Variants in SLC35F3 observed in about 807,000 individuals in gnomAD.
The protein encoded by SLC35F3 is solute carrier family 35 member F3.
In SLC35F3, 25 loss-of-function variants were observed where a neutral mutation model predicts 49.9. The observed-to-expected ratio is 0.50, with a 90% CI of 0.37 to 0.70. The LOEUF is 0.70. Ranked by LOEUF, SLC35F3 falls within the 30% of genes least tolerant of loss-of-function variation. The pLI, the probability that SLC35F3 is intolerant of heterozygous loss-of-function variation, is 0.00. For missense variants in SLC35F3, 525 were observed against 639.8 expected (o/e 0.82, Z 1.94); for synonymous variants, 275 against 265.4 (o/e 1.04, Z -0.35).
At chr1:234,245,110 C>T (rs1667611252) in intron 3 of SLC35F3, among the ~76,000 whole-genome samples, 1 of 152,210 alleles carries the variant, frequency 6.6e-6, no homozygotes, top group Admixed American at 6.5e-5. Context: ...TCACTTCACT[C>T]CTACCCTCTA....
chr1:234,089,279 G>A (rs1328915944), intron 2 of SLC35F3, among the ~76,000 whole-genome samples: 2 of 152,226 alleles, frequency 1.3e-5, no homozygotes, highest in African/African-American at 4.8e-5. Context: ...TCACCTGAAA[G>A]TCAGTCAGCC....
intron 2 of SLC35F3, among the ~76,000 whole-genome samples, chr1:233,962,509 G>A (rs1162885868): frequency 6.6e-6 from 1 of 152,162 alleles, no homozygotes; most frequent in African/African-American, 2.4e-5. Context: ...AAGTCCAATG[G>A]AATCTTGCTC....
chr1:234,293,307 C>T (rs1434072169), intron 3 of SLC35F3, among the ~76,000 whole-genome samples: 2 of 152,210 alleles, frequency 1.3e-5, no homozygotes, highest in Non-Finnish European at 2.9e-5. Flanking sequence ...CTGAGGATGG[C>T]AGCTTCCGGG....
At chr1:233,950,707 A>G (rs1662592534) in intron 2 of SLC35F3, among the ~76,000 whole-genome samples, 2 of 152,144 alleles carry the variant, frequency 1.3e-5, no homozygotes, top group South Asian at 4.1e-4. Flanking sequence ...AAAATCTAAA[A>G]GAACATCTCC....
At chr1:234,061,393 C>G (rs768358551) in intron 2 of SLC35F3, among the ~76,000 whole-genome samples, 1 of 152,068 alleles carries the variant, frequency 6.6e-6, no homozygotes, top group Non-Finnish European at 1.5e-5. Flanking sequence ...AAAACTTTCT[C>G]TGTCTTAAGA....
rs146162214 is a variant in SLC35F3, at chr1:233,915,626, G to A, written c.283+9868G>A. On this transcript the variant is annotated intron_variant, in intron 2 of 7. Transcript: ENST00000366618. ...TGGCAGGTGTATTAGTCTGTTTCAC[G>A]CTGCTAATAAAGACATATCTGAGAT... Among the ~76,000 whole-genome samples, 1,508 of 152,168 alleles carry A rather than the reference G, an allele frequency of 9.9e-3. 14 individuals carry two copies. Among genetic ancestry groups the A allele is most frequent in the Non-Finnish European group, 0.015 (1,006 of 68,004 alleles).
At chr1:234,246,094 T>C (rs1667627001) in intron 3 of SLC35F3, among the ~76,000 whole-genome samples, 1 of 152,152 alleles carries the variant, frequency 6.6e-6, no homozygotes, top group African/African-American at 2.4e-5. Flanking sequence ...TTCCACAGCA[T>C]CTGAAGCAAA....
chr1:234,070,860 T>G lies in SLC35F3; in HGVS notation c.284-160557T>G, dbSNP rs376558402. ...TGGCCTCCTTAAAATAAATAATTAA[T>G]GCTCCTCTCAACCTTCTAGATTTGT... is the stretch of plus-strand genomic sequence containing the variant. On this transcript the variant is annotated intron_variant, in intron 2 of 7. Transcript: ENST00000366618. 3.8e-4 allele frequency among the ~76,000 whole-genome samples: 58 copies of G among 152,352 alleles called. 1 individual carries two copies. In the South Asian group the frequency reaches 0.012, roughly 32 times the overall value.
At chr1:234,016,731 T>C (rs1043253348) in intron 2 of SLC35F3, among the ~76,000 whole-genome samples, 2 of 152,230 alleles carry the variant, frequency 1.3e-5, no homozygotes, top group Non-Finnish European at 2.9e-5. Flanking sequence ...TGTAATCCCA[T>C]GTGCTTGATG....
At chr1:234,097,930 G>A (rs1374558644) in intron 2 of SLC35F3, among the ~76,000 whole-genome samples, 2 of 152,228 alleles carry the variant, frequency 1.3e-5, no homozygotes, top group African/African-American at 4.8e-5. Context: ...GGTAGTGATG[G>A]TGTTATAGGG....
At chr1:234,272,850 T>G (rs1156410465) in intron 3 of SLC35F3, among the ~76,000 whole-genome samples, 1 of 151,620 alleles carries the variant, frequency 6.6e-6, no homozygotes, top group African/African-American at 2.4e-5. Flanking sequence ...GGCTGCTGCT[T>G]CTCCCAGCCA....
chr1:233,951,039 T>A (rs113328168), intron 2 of SLC35F3, among the ~76,000 whole-genome samples: 9 of 151,696 alleles, frequency 5.9e-5, no homozygotes, highest in Non-Finnish European at 1.0e-4. Context: ...GAGAGTGGGG[T>A]CCAATTTATT....
At chr1:234,282,116 C>T (rs996012936) in intron 3 of SLC35F3, among the ~76,000 whole-genome samples, 2 of 152,344 alleles carry the variant, frequency 1.3e-5, no homozygotes, top group South Asian at 4.1e-4. Context: ...TGCCCAGATG[C>T]ACACAGTGCC....
chr1:233,984,923 T>G (rs1663242689), intron 2 of SLC35F3, among the ~76,000 whole-genome samples: 1 of 152,228 alleles, frequency 6.6e-6, no homozygotes, highest in Non-Finnish European at 1.5e-5. Flanking sequence ...TTCTTGTTCA[T>G]CAAGTTGCTT....
intron 2 of SLC35F3, among the ~76,000 whole-genome samples, chr1:233,907,198 A>G (rs1311426992): frequency 6.6e-6 from 1 of 152,246 alleles, no homozygotes; most frequent in East Asian, 1.9e-4. Context: ...CTTAATAACA[A>G]AAGACAGTGG....
At chr1:234,267,704 T>C (rs1214058897) in intron 3 of SLC35F3, among the ~76,000 whole-genome samples, 24 of 125,148 alleles carry the variant, frequency 1.9e-4, no homozygotes, top group East Asian at 4.7e-4. Context: ...CCAGACGGGG[T>C]GGCTGCCGGA....
intron 2 of SLC35F3, among the ~76,000 whole-genome samples, chr1:233,936,873 G>T (rs1662342532): frequency 1.3e-5 from 2 of 152,182 alleles, no homozygotes; most frequent in South Asian, 2.1e-4. Flanking sequence ...GAAATGTTTT[G>T]TAGAGACGGG....
chr1:234,078,284 G>A (rs922053654), intron 2 of SLC35F3, among the ~76,000 whole-genome samples: 7 of 151,704 alleles, frequency 4.6e-5, no homozygotes, highest in Non-Finnish European at 5.9e-5. Context: ...TCCTCCTTCA[G>A]CACCCACTGT....
intron 3 of SLC35F3, among the ~76,000 whole-genome samples, chr1:234,304,958 T>A (rs960287634): frequency 3.3e-5 from 5 of 151,762 alleles, no homozygotes; most frequent in Admixed American, 6.6e-5. Flanking sequence ...AAAACTGAAA[T>A]AGAAAAAAAC....
Sources: gnomAD v4.1 joint callset for allele counts (sites outside exome capture counted in the v4.1 genomes callset) on GRCh38, gnomAD v4.1.1 for gene constraint, MANE v1.5 for transcripts, NCBI Gene and HGNC (gene_info 2026-07-23, HGNC 2026-07-21) for gene names.